Variants in HAGH observed in about 807,000 individuals in gnomAD.
The protein encoded by HAGH is hydroxyacylglutathione hydrolase, also known as hydroxyacylglutathione hydrolase, mitochondrial.
Under a neutral mutation model 35.1 loss-of-function variants are expected in HAGH, and 29 were observed. That is an observed-to-expected ratio of 0.83 (90% CI 0.62 to 1.13). The LOEUF is 1.13. HAGH is among the 50% of genes most tolerant of loss of function. The pLI, the probability that HAGH is intolerant of heterozygous loss-of-function variation, is 0.00. For missense variants in HAGH, 478 were observed against 419.6 expected (o/e 1.14, Z -1.22); for synonymous variants, 225 against 176.1 (o/e 1.28, Z -2.20).
chr16:1,818,412 C>T (rs1898001318), intron 5 of HAGH: 1 of 152,516 alleles, frequency 6.6e-6, no homozygotes, highest in Non-Finnish European at 1.5e-5. Context: ...CACCTTCTCC[C>T]TGCACCCCTG....
rs1345184161 is a variant in HAGH, at chr16:1,811,179, C to T, written c.748-1346G>A. ...CTGTAATCCTAACACTTTGGGAGGC[C>T]GAGGTGGGTGGATTGCCTGAACTCA... On this transcript the variant is annotated intron_variant, in intron 7 of 8. Transcript: ENST00000397356. Among the ~76,000 whole-genome samples, 3 of 152,252 alleles carry T rather than the reference C, an allele frequency of 2.0e-5. No homozygotes were observed. In the South Asian group the frequency reaches 6.2e-4, roughly 32 times the overall value.
In HAGH at chr16:1,817,186, G is replaced by A. The variant is rs774928427; in HGVS notation, c.627C>T (p.Gly209=). ...TGCCTACTGTGTCCGGGGGGAGCCG[G>A]CCCAAGACCTCCAGCAGAGCTTTAC... ...EMCKALLEVL[G]RLPPDTRVYC... is the part of the protein sequence containing the mutation. The change falls in exon 6 of 9, where the codon GGC becomes GGT. Residue 209 remains glycine, a synonymous_variant. Transcript: ENST00000397356. 8.8e-5 allele frequency: 141 copies of A among 1,609,514 alleles called. No individual in the cohort carries two copies. Among genetic ancestry groups the A allele is most frequent in the Non-Finnish European group, 1.2e-4 (138 of 1,175,978 alleles).
At chr16:1,818,646 C>A (rs11646951) in intron 5 of HAGH, 20,349 of 156,668 alleles carry the variant, frequency 0.13, 1,753 homozygotes, top group South Asian at 0.19. Context: ...TAGAAGGCCG[C>A]AGCCATGAAG....
chr16:1,827,119 G>C (rs1898478831), upstream of HAGH: 1 of 1,410,784 alleles, frequency 7.1e-7, no homozygotes, highest in East Asian at 2.4e-5. Context: ...CAGATCGCGA[G>C]GTGGAACGGG....
chr16:1,809,918 C>A, intron 7 of HAGH, 85 bp from the exon 8 acceptor site: 1 of 965,530 alleles, frequency 1.0e-6, no homozygotes, highest in Non-Finnish European at 1.7e-6. Context: ...GATACCAGCA[C>A]TTTGGGAGGC....
rs1898190333 is a variant in HAGH, at chr16:1,822,309, TG to T, written c.304del (p.His102ThrfsTer20). The T allele has an allele frequency of 6.2e-7, 1 of 1,608,696 alleles. No homozygotes were observed. The highest frequency in any genetic ancestry group is 2.2e-5 in the East Asian group (1 of 44,846). Reference sequence around the variant, plus strand: ...GAGACGCGGCACTTACCAGTGGTGGTGGGTGGTGAGCACTGTGGTCAGTTTC... The same window carrying T: ...GAGACGCGGCACTTACCAGTGGTGGTGGTGGTGAGCACTGTGGTCAGTTTC... ...GVKLTTVLTTHHHWDHAGGNE... is the reference protein window; with the variant it reads ...GVKLTTVLTTXHHWDHAGGNE... On this transcript the variant is annotated frameshift_variant, in exon 3 of 9. Transcript: ENST00000397356. LOFTEE classifies it high-confidence loss of function.
chr16:1,809,946 T>C, intron 7 of HAGH, 113 bp from the exon 8 acceptor site: 1 of 759,580 alleles, frequency 1.3e-6, no homozygotes, highest in Admixed American at 2.0e-5. Flanking sequence ...GATGGATCAC[T>C]TGAGCCCTGG....
At chr16:1,818,927 G>C (rs1048980132) in intron 5 of HAGH, 188 bp downstream of exon 5, 8 of 581,754 alleles carry the variant, frequency 1.4e-5, no homozygotes, top group Non-Finnish European at 2.5e-5. Flanking sequence ...CTTCCTTCCA[G>C]ACCACGATCC....
intron 1 of HAGH, among the ~76,000 whole-genome samples, chr16:1,823,330 C>T (rs1596941325): frequency 2.7e-5 from 4 of 150,608 alleles, no homozygotes; most frequent in African/African-American, 4.9e-5. Flanking sequence ...TGCAGTGGCG[C>T]GATCTCGGCT....
At chr16:1,819,089 G>GC (rs771083599) in intron 5 of HAGH, 26 bp downstream of exon 5, 115 of 1,420,896 alleles carry the variant, frequency 8.1e-5, no homozygotes, top group South Asian at 6.3e-4. Context: ...AAGAACCCCC[G>GC]CCCCCACCCA....
rs73485871 is a variant in HAGH at position 1,813,066 on chromosome 16, G to A, written c.748-3233C>T. Reference sequence around the variant, plus strand: ...GGGTGTTCACACGGGGCTGCGGCTGGGATGTCCATCCCTCCAAACGCATGC... The same window carrying A: ...GGGTGTTCACACGGGGCTGCGGCTGAGATGTCCATCCCTCCAAACGCATGC... On this transcript the variant is annotated intron_variant, in intron 7 of 8. Transcript: ENST00000397356. Among the ~76,000 whole-genome samples the A allele has an allele frequency of 3.6e-3, 549 of 152,354 alleles. 4 individuals are homozygous for A. The highest frequency in any genetic ancestry group is 0.012 in the African/African-American group (518 of 41,584).
chr16:1,817,583 G>C (rs144040945), intron 5 of HAGH, among the ~76,000 whole-genome samples: 1 of 152,172 alleles, frequency 6.6e-6, no homozygotes, highest in East Asian at 1.9e-4. Context: ...CCCCAAACAC[G>C]CAGCAGCCCC....
intron 7 of HAGH, among the ~76,000 whole-genome samples, chr16:1,813,307 C>G (rs576149796): frequency 5.3e-5 from 8 of 152,194 alleles, no homozygotes; most frequent in Non-Finnish European, 8.8e-5. Context: ...GCAGAAGCAG[C>G]CTGAGGCCTC....
chr16:1,809,700 A>G (rs2142023698), intron 8 of HAGH, 54 bp downstream of exon 8: 1 of 1,226,552 alleles, frequency 8.2e-7, no homozygotes, highest in Non-Finnish European at 1.2e-6. Context: ...TGTGTGCAGC[A>G]GTGGGACTGC....
rs182442387 is a variant in HAGH, at chr16:1,811,439, G to A, written c.748-1606C>T. 6.7e-4 allele frequency among the ~76,000 whole-genome samples: 102 copies of A among 152,090 alleles called. 1 individual carries two copies. The East Asian group carries it at 0.018, about 27-fold the overall frequency. On this transcript the variant is annotated intron_variant, in intron 7 of 8. Transcript: ENST00000397356. ...CCAAAGAAAGAACAACAGGCCGGGC[G>A]CGGTTGCTCACACCTGTAATCCCAG...
intron 3 of HAGH, 25 bp from the exon 4 acceptor site, chr16:1,820,039 G>C: frequency 2.0e-6 from 1 of 502,264 alleles, no homozygotes; most frequent in Non-Finnish European, 2.6e-6. Flanking sequence ...GGAGACCTGG[G>C]CTGCCTGCTG....
rs1897921265 is a variant in HAGH at position 1,816,943 on chromosome 16, G to A, written c.697C>T (p.His233Tyr). ...ATGGCGGCATTGCCGGGCTCCACGT[G>A]GCGTGCAAACTTGAGGTTGTTGATG... ...YTINNLKFARHVEPGNAAIRE... is the reference protein window; with the variant it reads ...YTINNLKFARYVEPGNAAIRE... Residue 233 changes from histidine (H) to tyrosine (Y), a missense_variant, in exon 7 of 9, where the codon CAC (histidine) becomes TAC (tyrosine). By Grantham distance (83) the His-to-Tyr change is moderately conservative. Coordinates refer to ENST00000397356, the MANE Select transcript of HAGH (RefSeq NM_005326.6). 7.4e-6 allele frequency: 12 copies of A among 1,613,976 alleles called. No homozygotes were observed. The highest frequency in any genetic ancestry group is 1.0e-5 in the Non-Finnish European group (12 of 1,179,862).
rs184295382 is a variant in HAGH at position 1,812,029 on chromosome 16, C to G, written c.748-2196G>C. Among the ~76,000 whole-genome samples the G allele has an allele frequency of 2.0e-3, 303 of 151,418 alleles. 5 individuals carry two copies. The highest frequency in any genetic ancestry group is 4.6e-4 in the Non-Finnish European group (31 of 67,862). On this transcript the variant is annotated intron_variant, in intron 7 of 8. Transcript: ENST00000397356. The stretch of plus-strand genomic sequence containing the variant: ...AACATCGTGTAAACCCCCTCTCTAC[C>G]AAAAATACAAAAATTAACCAAGCAT...
At position 1,823,744 on chromosome 16, in the gene HAGH, T is replaced by TAAAAAAA. The variant is rs71145496; in HGVS notation, c.77-714_77-708dup. Among the ~76,000 whole-genome samples the TAAAAAAA allele has an allele frequency of 5.7e-4, 32 of 55,918 alleles. 2 individuals are homozygous for TAAAAAAA. Among genetic ancestry groups the TAAAAAAA allele is most frequent in the African/African-American group, 2.6e-3 (32 of 12,506 alleles). The allele number at this position is 55,918 out of a possible 152,430, so 36.7% of individuals were successfully genotyped here. A position where few individuals can be genotyped will look rare whatever the true frequency, so the allele number is the denominator to read the frequency against. On this transcript the variant is annotated intron_variant, in intron 1 of 8. Transcript: ENST00000397356. ...GGTGACAAGACAATAACCTGTTCCT[T>TAAAAAAA]AAAAAAAAAAAAAAAAAAAAAAAAA... is the stretch of plus-strand genomic sequence containing the variant.
Sources: allele counts gnomAD v4.1 joint callset (sites outside exome capture counted in the v4.1 genomes callset), GRCh38; gene constraint gnomAD v4.1.1; transcripts MANE v1.5; gene names NCBI Gene and HGNC (gene_info 2026-07-23, HGNC 2026-07-21).